Variants in KCNQ1 observed in about 807,000 individuals in gnomAD.
KCNQ1 encodes potassium voltage-gated channel subfamily Q member 1, also known as potassium voltage-gated channel subfamily KQT member 1.
Under a neutral mutation model 72.4 loss-of-function variants are expected in KCNQ1, and 49 were observed. The ratio of observed to expected loss-of-function variants is 0.68; its 90% CI spans 0.54 to 0.86. The LOEUF is 0.86. KCNQ1 is among the 40% of genes least tolerant of loss of function. The pLI, the probability that KCNQ1 is intolerant of heterozygous loss-of-function variation, is 0.00. For missense variants in KCNQ1, 790 were observed against 945.1 expected, an observed-to-expected ratio of 0.84 and a Z score of 2.15; for synonymous variants, 450 against 412.6, an observed-to-expected ratio of 1.09 and a Z score of -1.10.
rs1174004585 is a variant in KCNQ1 at position 2,486,374 on chromosome 11, TTC to T, written c.386+40894_386+40895del. 6.6e-6 allele frequency among the ~76,000 whole-genome samples: 1 copy of T among 152,236 alleles called. No homozygotes were observed. Among genetic ancestry groups the T allele is most frequent in the Non-Finnish European group, 1.5e-5 (1 of 68,038 alleles). ...TGTTTTTGCTGTTGAGTTTTAGAAC[TTC>T]TCTATATATTCTGGATATTAATCCC... On this transcript the variant is annotated intron_variant, in intron 1 of 15. Coordinates refer to ENST00000155840, the MANE Select transcript of KCNQ1 (RefSeq NM_000218.3). The surrounding 1 kb of genome is among the most constrained non-coding windows in gnomAD (Gnocchi z 5.0).
chr11:2,540,470 T>A (rs1432465331), intron 2 of KCNQ1, among the ~76,000 whole-genome samples: 1 of 152,218 alleles, frequency 6.6e-6, no homozygotes, highest in Non-Finnish European at 1.5e-5. Flanking sequence ...GAGATTTTCT[T>A]TCTCCCGGGT....
chr11:2,628,122 A>G (rs1355700629), intron 10 of KCNQ1: 1 of 398,480 alleles, frequency 2.5e-6, no homozygotes, highest in Non-Finnish European at 4.4e-6. Context: ...CCTCTTCAAG[A>G]TACTGACTTT....
Position 2,645,216 on chromosome 11 carries a change from C to T in KCNQ1, c.1394-16745C>T. The stretch of plus-strand genomic sequence containing the variant: ...TAAGCTGGATGAGCTTGTCCCAAGG[C>T]CCACAGGTGGCAAATTCAAGTGAAT... On this transcript the variant is annotated intron_variant, in intron 10 of 15. Transcript: ENST00000155840. The surrounding 1 kb of genome is among the most constrained non-coding windows in gnomAD (Gnocchi z 5.8). 1 of 398,588 alleles carries T rather than the reference C, an allele frequency of 2.5e-6. No individual in the cohort carries two copies. The highest frequency in any genetic ancestry group is 4.4e-6 in the Non-Finnish European group (1 of 226,132). The allele number at this position is 398,588 out of a possible 1,614,324, so 24.7% of individuals were successfully genotyped here. A position where few individuals can be genotyped will look rare whatever the true frequency, so the allele number is the denominator to read the frequency against.
Position 2,488,897 on chromosome 11 carries a change from T to G in KCNQ1, c.387-39031T>G, listed in dbSNP as rs542746311. ...TTCTTTCTTCTGCTAGCTTTGGGTTTAGTTCTTTTGCTAGTTCCTTAAGTG... is the reference window on the plus strand; with the variant it reads ...TTCTTTCTTCTGCTAGCTTTGGGTTGAGTTCTTTTGCTAGTTCCTTAAGTG... On this transcript the variant is annotated intron_variant, in intron 1 of 15. Coordinates refer to ENST00000155840, the MANE Select transcript of KCNQ1 (RefSeq NM_000218.3). This position sits in a 1 kb window ranked among gnomAD's most constrained non-coding sequence, Gnocchi z 5.1. Among the ~76,000 whole-genome samples the G allele has an allele frequency of 2.6e-5, 4 of 152,344 alleles. No homozygotes were observed. In the East Asian group the frequency reaches 7.7e-4, roughly 29 times the overall value.
chr11:2,643,258 A>C (rs999913827), intron 10 of KCNQ1: 18 of 398,028 alleles, frequency 4.5e-5, no homozygotes, highest in African/African-American at 6.2e-5. Flanking sequence ...GGAAATGGAG[A>C]ATTGAAGTTC....
chr11:2,820,395 T>G (rs766150510), intron 15 of KCNQ1, among the ~76,000 whole-genome samples: 9 of 152,258 alleles, frequency 5.9e-5, no homozygotes, highest in Admixed American at 2.6e-4. Flanking sequence ...TTTTCTATTT[T>G]ACATCAAGGT....
chr11:2,631,174 T>C (rs965230464), intron 10 of KCNQ1: 2 of 398,570 alleles, frequency 5.0e-6, no homozygotes, highest in Non-Finnish European at 8.8e-6. Context: ...CTGAATTAAC[T>C]TTCTACCCTT....
rs548313980 is a variant in KCNQ1 at position 2,776,982 on chromosome 11, C to T, written c.1686-4C>T. On this transcript the variant is annotated splice_polypyrimidine_tract_variant and splice_region_variant and intron_variant, in intron 13 of 15. Transcript: ENST00000155840. Reference sequence around the variant, plus strand: ...TGAACTGGTGTCTGTGTCCTTCTCTCCAGGCTGGACCAGTCCATTGGGAAG... The same window carrying T: ...TGAACTGGTGTCTGTGTCCTTCTCTTCAGGCTGGACCAGTCCATTGGGAAG... 9.9e-6 allele frequency: 16 copies of T among 1,614,100 alleles called. No individual in the cohort carries two copies. The African/African-American group carries it at 2.1e-4, about 22-fold the overall frequency.
Position 2,564,584 on chromosome 11 carries a change from G to T in KCNQ1, c.478-6044G>T, listed in dbSNP as rs908331555. On this transcript the variant is annotated intron_variant, in intron 2 of 15. Transcript: ENST00000155840. This position sits in a 1 kb window ranked among gnomAD's most constrained non-coding sequence, Gnocchi z 4.5. ...CACTCCTGCCTGGGCAACAGAGCAA[G>T]ACTCTATCTCAAAATAAAATAAAAT... 6.6e-6 allele frequency among the ~76,000 whole-genome samples: 1 copy of T among 152,224 alleles called. No individual in the cohort carries two copies. Among genetic ancestry groups the T allele is most frequent in the Non-Finnish European group, 1.5e-5 (1 of 68,048 alleles).
rs1272029710 is a variant in KCNQ1 at position 2,549,118 on chromosome 11, C to T, written c.477+21100C>T. 2.0e-5 allele frequency among the ~76,000 whole-genome samples: 3 copies of T among 152,122 alleles called. No homozygotes were observed. Among genetic ancestry groups the T allele is most frequent in the African/African-American group, 7.2e-5 (3 of 41,412 alleles). Reference sequence around the variant, plus strand: ...GGAGAGTGGCTGGGTGGAGAGGGGGCAGGCTGAGATCTGAGAAGCCAGGCT... The same window carrying T: ...GGAGAGTGGCTGGGTGGAGAGGGGGTAGGCTGAGATCTGAGAAGCCAGGCT... On this transcript the variant is annotated intron_variant, in intron 2 of 15. Coordinates refer to ENST00000155840, the MANE Select transcript of KCNQ1 (RefSeq NM_000218.3). The surrounding 1 kb of genome is among the most constrained non-coding windows in gnomAD (Gnocchi z 6.2).
intron 11 of KCNQ1, among the ~76,000 whole-genome samples, chr11:2,717,048 G>A (rs1321956742): frequency 2.0e-5 from 3 of 152,196 alleles, no homozygotes; most frequent in Non-Finnish European, 4.4e-5. Context: ...CCCCCCAGAT[G>A]TCCTGCCCTC....
At chr11:2,753,662 C>T (rs1420038897) in intron 11 of KCNQ1, among the ~76,000 whole-genome samples, 1 of 152,222 alleles carries the variant, frequency 6.6e-6, no homozygotes, top group Non-Finnish European at 1.5e-5. Flanking sequence ...TTTCATCACC[C>T]TCAAAATGTC....
chr11:2,484,945 C>T lies in KCNQ1; in HGVS notation c.386+39461C>T, dbSNP rs944321153. Among the ~76,000 whole-genome samples the T allele has an allele frequency of 6.6e-5, 10 of 152,146 alleles. No homozygotes were observed. The highest frequency in any genetic ancestry group is 1.9e-4 in the African/African-American group (8 of 41,426). ...CCTGGCTCTCTCACCTTCACCTGCT[C>T]GTCCAACCCCAGCTGCAAGGGAACT... On this transcript the variant is annotated intron_variant, in intron 1 of 15. Coordinates refer to ENST00000155840, the MANE Select transcript of KCNQ1 (RefSeq NM_000218.3). This position sits in a 1 kb window ranked among gnomAD's most constrained non-coding sequence, Gnocchi z 5.2.
intron 11 of KCNQ1, among the ~76,000 whole-genome samples, chr11:2,744,907 T>C (rs1846114211): frequency 6.6e-6 from 1 of 152,100 alleles, no homozygotes; most frequent in Non-Finnish European, 1.5e-5. Context: ...ATCCTGTCTA[T>C]GGTGGTCGAT....
At chr11:2,758,252 G>A (rs748336482) in intron 11 of KCNQ1, among the ~76,000 whole-genome samples, 3 of 152,106 alleles carry the variant, frequency 2.0e-5, no homozygotes, top group Non-Finnish European at 1.5e-5. Flanking sequence ...CAAAAGACAC[G>A]AAGAGACATT....
At chr11:2,846,879 G>T (rs531279898) in intron 15 of KCNQ1, among the ~76,000 whole-genome samples, 1 of 152,344 alleles carries the variant, frequency 6.6e-6, no homozygotes, top group South Asian at 2.1e-4. Flanking sequence ...GTTCTGTCCT[G>T]CCTTGACCTC....
chr11:2,707,087 A>G (rs1008541206), intron 11 of KCNQ1, among the ~76,000 whole-genome samples: 4 of 152,198 alleles, frequency 2.6e-5, no homozygotes, highest in African/African-American at 9.7e-5. Flanking sequence ...CTCAACAGCC[A>G]CTTCTGTCCC....
At chr11:2,700,369 G>C (rs1850784322) in intron 11 of KCNQ1, among the ~76,000 whole-genome samples, 1 of 152,140 alleles carries the variant, frequency 6.6e-6, no homozygotes. Context: ...TGCGTGATGT[G>C]TTCACCACCC....
intron 1 of KCNQ1, among the ~76,000 whole-genome samples, chr11:2,480,147 ACATTTTCTTGT>A (rs1846630380): frequency 6.6e-6 from 1 of 152,170 alleles, no homozygotes; most frequent in South Asian, 2.1e-4. Flanking sequence ...AGACTCTCCC[ACATTTTCTTGT>A]CATCTTCTGA....
Sources: allele counts gnomAD v4.1 joint callset (sites outside exome capture counted in the v4.1 genomes callset), GRCh38; gene constraint gnomAD v4.1.1; non-coding constraint Gnocchi (gnomAD v3.1); transcripts MANE v1.5; gene names NCBI Gene and HGNC (gene_info 2026-07-23, HGNC 2026-07-21).